MPP7: variants seen among roughly 807,000 people sequenced by gnomAD.
MPP7 encodes the protein MAGUK p55 subfamily member 7.
In MPP7, 60 loss-of-function variants were observed where a neutral mutation model predicts 76.5. The observed-to-expected ratio is 0.78, with a 90% CI of 0.64 to 0.97. The LOEUF (loss-of-function observed/expected upper bound fraction) is 0.97. Ranked by LOEUF, MPP7 falls within the 50% of genes least tolerant of loss-of-function variation. The probability of loss-of-function intolerance (pLI) is 0.00; values close to 1 mark genes in which losing one functional copy is unlikely to be tolerated. For missense variants in MPP7, 641 were observed against 694.0 expected, an observed-to-expected ratio of 0.92 and a Z score of 0.86; for synonymous variants, 237 against 244.5, an observed-to-expected ratio of 0.97 and a Z score of 0.29.
chr10:28,168,130 C>T (rs1356643496), intron 3 of MPP7, among the ~76,000 whole-genome samples: 6 of 152,002 alleles, frequency 3.9e-5, no homozygotes, highest in Admixed American at 6.6e-5. Context: ...CTAGCTACTC[C>T]GGAGGCTGAG....
chr10:28,307,059 C>T (rs899917751), upstream of MPP7, among the ~76,000 whole-genome samples: 7 of 152,168 alleles, frequency 4.6e-5, no homozygotes, highest in East Asian at 1.3e-3. Flanking sequence ...CTGCCAGGGC[C>T]CATCCCTGTT....
intron 1 of MPP7, among the ~76,000 whole-genome samples, chr10:28,276,581 T>C (rs1447847597): frequency 6.6e-6 from 1 of 151,906 alleles, no homozygotes; most frequent in African/African-American, 2.4e-5. Context: ...AAAGGATCAA[T>C]AGAATGTAAA....
chr10:28,179,782 T>G (rs1044021654), intron 3 of MPP7, among the ~76,000 whole-genome samples: 1 of 152,224 alleles, frequency 6.6e-6, no homozygotes, highest in Admixed American at 6.5e-5. Flanking sequence ...AAATATTTAT[T>G]CAAATTAAAA....
chr10:28,314,714 T>C (rs1841308799), intron 2 of MPP7, among the ~76,000 whole-genome samples: 1 of 152,248 alleles, frequency 6.6e-6, no homozygotes, highest in Non-Finnish European at 1.5e-5. Flanking sequence ...TAATAATTTA[T>C]GTGCAGTGAT....
intron 12 of MPP7, among the ~76,000 whole-genome samples, chr10:28,070,347 C>T (rs1852185877): frequency 6.6e-6 from 1 of 151,930 alleles, no homozygotes; most frequent in East Asian, 1.9e-4. Flanking sequence ...TGCAGTGAGC[C>T]GAGATCGCGC....
chr10:28,191,512 T>C (rs1337023207), intron 3 of MPP7, among the ~76,000 whole-genome samples: 2 of 152,212 alleles, frequency 1.3e-5, no homozygotes, highest in Non-Finnish European at 2.9e-5. Context: ...CAAAATCTGA[T>C]ACTTTTTGAG....
upstream of MPP7, among the ~76,000 whole-genome samples, chr10:28,307,251 T>A (rs1483870423): frequency 6.6e-6 from 1 of 152,196 alleles, no homozygotes; most frequent in Non-Finnish European, 1.5e-5. Context: ...GGATGGTAAT[T>A]TCCCACATTC....
intron 1 of MPP7, among the ~76,000 whole-genome samples, chr10:28,274,101 C>CT (rs60127503): frequency 0.015 from 1,884 of 123,640 alleles, 57 homozygotes; most frequent in African/African-American, 0.036. Flanking sequence ...AAATTTTTTT[C>CT]TTTTTTTTTT....
chr10:28,164,542 C>T (rs938203376), intron 3 of MPP7, among the ~76,000 whole-genome samples: 5 of 152,142 alleles, frequency 3.3e-5, no homozygotes, highest in Admixed American at 6.5e-5. Context: ...TGTGGGTAAG[C>T]GCTCACTTAT....
At chr10:28,056,403 C>A in intron 16 of MPP7, 77 bp downstream of exon 16, 1 of 1,457,326 alleles carries the variant, frequency 6.9e-7, no homozygotes, top group Non-Finnish European at 9.2e-7. Context: ...AAATGATCCT[C>A]CTGCTTCGGC....
At chr10:28,057,897 T>TATGGTTTG (rs1239908021) in intron 15 of MPP7, 2 of 1,191,690 alleles carry the variant, frequency 1.7e-6, no homozygotes, top group African/African-American at 3.3e-5. Flanking sequence ...CTGGAAGATG[T>TATGGTTTG]ATGGTTTGAT....
At chr10:28,171,931 T>C (rs1168121146) in intron 3 of MPP7, among the ~76,000 whole-genome samples, 4 of 152,232 alleles carry the variant, frequency 2.6e-5, no homozygotes, top group Non-Finnish European at 5.9e-5. Flanking sequence ...GCCGAGCTTC[T>C]TTCCATCTAA....
Position 28,147,530 on chromosome 10 carries a change from T to C in MPP7, c.268A>G (p.Ser90Gly). ...AEELQNKPLN[S>G]EIRELLKLLS... is the part of the protein sequence containing the mutation. ...AGTTTCAACAGCTCTCTGATCTCAC[T>C]GTTTAATGGCTTGTTCTGAAGCTCT... Residue 90 changes from serine (S) to glycine (G), a missense_variant, in exon 5 of 17, where the codon AGT becomes GGT. Ser to Gly is a moderately conservative substitution (Grantham distance 56, BLOSUM62 0). Coordinates refer to ENST00000683449, the MANE Select transcript of MPP7 (RefSeq NM_001318170.2). 1 of 1,614,148 alleles carries C rather than the reference T, an allele frequency of 6.2e-7. No individual in the cohort carries two copies. The highest frequency in any genetic ancestry group is 8.5e-7 in the Non-Finnish European group (1 of 1,179,964).
At position 28,054,349 on chromosome 10, in the gene MPP7, TCA is replaced by T. The variant is rs148662103; in HGVS notation, c.1552-107_1552-106del. ...TGGTTTACCTAATGCTGTTCTGTGT[TCA>T]GTCTTTCCCCTCAGCCAGAAATAAA... On this transcript the variant is annotated intron_variant, in intron 16 of 16. Coordinates refer to ENST00000683449, the MANE Select transcript of MPP7 (RefSeq NM_001318170.2). The T allele has an allele frequency of 3.5e-3, 2,342 of 669,252 alleles. 40 individuals carry two copies. In the African/African-American group the frequency reaches 0.037, roughly 11 times the overall value. The allele number at this position is 669,252 out of a possible 1,614,324, so 41.5% of individuals were successfully genotyped here. A position where few individuals can be genotyped will look rare whatever the true frequency, so the allele number is the denominator to read the frequency against.
intron 12 of MPP7, among the ~76,000 whole-genome samples, chr10:28,087,321 T>G (rs1372776515): frequency 1.3e-5 from 2 of 152,178 alleles, no homozygotes; most frequent in Non-Finnish European, 2.9e-5. Context: ...AACAAATCAT[T>G]TTTCTTTATG....
chr10:28,197,181 CTTTTTT>C (rs11330044), intron 3 of MPP7, among the ~76,000 whole-genome samples: 1 of 115,248 alleles, frequency 8.7e-6, no homozygotes. Flanking sequence ...GAGCAACTTC[CTTTTTT>C]TTTTTTTTTT....
intron 5 of MPP7, 33 bp from the exon 6 acceptor site, chr10:28,131,724 A>T: frequency 7.5e-7 from 1 of 1,333,058 alleles, no homozygotes; most frequent in Non-Finnish European, 1.0e-6. Context: ...TAAATAAGTA[A>T]ATATACATAC....
At chr10:28,258,553 C>T (rs1028621876) in intron 1 of MPP7, among the ~76,000 whole-genome samples, 1 of 151,418 alleles carries the variant, frequency 6.6e-6, no homozygotes, top group Non-Finnish European at 1.5e-5. Flanking sequence ...GCATGCCCCA[C>T]CACACCTGGC....
rs1012471820 is a variant in MPP7 at position 28,116,667 on chromosome 10, G to A, written c.952+2984C>T. ...GGTAAGCAATTCTTCCAAAAAATAG[G>A]GGGAGGAGACAAGTCCTTATATCCA... On this transcript the variant is annotated intron_variant, in intron 11 of 16. Coordinates refer to ENST00000683449, the MANE Select transcript of MPP7 (RefSeq NM_001318170.2). Among the ~76,000 whole-genome samples the A allele has an allele frequency of 2.0e-5, 3 of 152,048 alleles. No homozygotes were observed. The East Asian group carries it at 5.8e-4, about 29-fold the overall frequency.
Sources: allele counts gnomAD v4.1 joint callset (sites outside exome capture counted in the v4.1 genomes callset), GRCh38; gene constraint gnomAD v4.1.1; transcripts MANE v1.5; gene names NCBI Gene and HGNC (gene_info 2026-07-23, HGNC 2026-07-21).